ZNF804B: variants seen among roughly 807,000 people sequenced by gnomAD.
ZNF804B encodes the protein zinc finger 804B.
In ZNF804B, 80 loss-of-function variants were observed where a neutral mutation model predicts 101.4. The ratio of observed to expected loss-of-function variants is 0.79; its 90% confidence interval spans 0.66 to 0.95. The LOEUF (loss-of-function observed/expected upper bound fraction) is 0.95, where lower values mean the gene tolerates loss of function less well. ZNF804B is among the 40% of genes least tolerant of loss of function. The pLI is 0.00. For missense variants in ZNF804B, 1,673 were observed against 1,561.9 expected (o/e 1.07, Z -1.20); for synonymous variants, 622 against 558.8 (o/e 1.11, Z -1.59).
intron 1 of ZNF804B, among the ~76,000 whole-genome samples, chr7:89,088,046 T>C (rs1205056643): frequency 6.6e-6 from 1 of 151,742 alleles, no homozygotes; most frequent in Non-Finnish European, 1.5e-5. Flanking sequence ...GAGAGTATAT[T>C]TGATTTTACA....
chr7:89,291,380 T>G lies in ZNF804B; in HGVS notation c.250-35964T>G, dbSNP rs148563413. On this transcript the variant is annotated intron_variant, in intron 2 of 3. Transcript: ENST00000333190. ...TTTTTAGTAAACTCATAGACATTCA[T>G]AACACAGAGAAGGAATTCAGAATTC... is the stretch of plus-strand genomic sequence containing the variant. 2.8e-3 allele frequency among the ~76,000 whole-genome samples: 433 copies of G among 152,232 alleles called. 3 individuals are homozygous for G. The highest frequency in any genetic ancestry group is 0.01 in the African/African-American group (416 of 41,540).
At chr7:88,836,931 T>G (rs928080559) in intron 1 of ZNF804B, among the ~76,000 whole-genome samples, 1 of 151,974 alleles carries the variant, frequency 6.6e-6, no homozygotes, top group African/African-American at 2.4e-5. Flanking sequence ...CCTTGATTAA[T>G]AGTTTTTGGT....
intron 2 of ZNF804B, among the ~76,000 whole-genome samples, chr7:89,261,907 T>C (rs1171147526): frequency 6.6e-6 from 1 of 152,186 alleles, no homozygotes; most frequent in Non-Finnish European, 1.5e-5. Flanking sequence ...ATTATATAGC[T>C]TAGTCATTTG....
chr7:88,945,813 A>G (rs1290857136), intron 1 of ZNF804B, among the ~76,000 whole-genome samples: 1 of 151,978 alleles, frequency 6.6e-6, no homozygotes, highest in Non-Finnish European at 1.5e-5. Flanking sequence ...CATCCCTTGT[A>G]AGTTGTATTC....
At chr7:88,828,662 A>G (rs1161587515) in intron 1 of ZNF804B, among the ~76,000 whole-genome samples, 1 of 152,194 alleles carries the variant, frequency 6.6e-6, no homozygotes, top group Non-Finnish European at 1.5e-5. Context: ...TTCCTGCAAT[A>G]AAATTATAGA....
chr7:89,085,724 G>A (rs1463901550), intron 1 of ZNF804B, among the ~76,000 whole-genome samples: 1 of 151,844 alleles, frequency 6.6e-6, no homozygotes, highest in Non-Finnish European at 1.5e-5. Flanking sequence ...ATTGTCTTCT[G>A]ATTACAGTAG....
chr7:88,917,247 A>C (rs915238738), intron 1 of ZNF804B, among the ~76,000 whole-genome samples: 3 of 152,136 alleles, frequency 2.0e-5, no homozygotes, highest in African/African-American at 7.2e-5. Context: ...CCTGGGGGAC[A>C]GGATAAGACT....
intron 2 of ZNF804B, among the ~76,000 whole-genome samples, chr7:89,221,899 C>T (rs1461983253): frequency 1.3e-5 from 2 of 151,940 alleles, no homozygotes; most frequent in Non-Finnish European, 2.9e-5. Flanking sequence ...GAAAAAGCGA[C>T]ACATTTGGCT....
At chr7:89,145,694 C>G (rs1364053552) in intron 1 of ZNF804B, among the ~76,000 whole-genome samples, 1 of 151,902 alleles carries the variant, frequency 6.6e-6, no homozygotes, top group African/African-American at 2.4e-5. Flanking sequence ...ACTTATTTCC[C>G]ACTCTGGACC....
At chr7:89,122,493 T>A (rs1438879288) in intron 1 of ZNF804B, among the ~76,000 whole-genome samples, 1 of 152,214 alleles carries the variant, frequency 6.6e-6, no homozygotes, top group Non-Finnish European at 1.5e-5. Context: ...TAGTAGGTAT[T>A]ATTATTACAT....
Position 89,335,716 on chromosome 7 carries a change from G to C in ZNF804B, c.2734G>C (p.Glu912Gln), listed in dbSNP as rs1346098944. ...TTCCAGTGGCCCTTCAGAAACCACA[G>C]AATCAAACACTGCAGAAGGAGAGAG... ...NCSSGPSETTESNTAEGERTP... is the reference protein window; with the variant it reads ...NCSSGPSETTQSNTAEGERTP... Residue 912 changes from glutamate to glutamine, a missense_variant, in exon 4 of 4, where the codon GAA (glutamate) becomes CAA (glutamine). Physicochemically the swap from Glu to Gln is conservative, Grantham distance 29. Transcript: ENST00000333190. 1 of 1,613,900 alleles carries C rather than the reference G, an allele frequency of 6.2e-7. No homozygotes were observed. Among genetic ancestry groups the C allele is most frequent in the Non-Finnish European group, 8.5e-7 (1 of 1,179,980 alleles).
chr7:89,004,887 C>T (rs1788349682), intron 1 of ZNF804B, among the ~76,000 whole-genome samples: 1 of 151,854 alleles, frequency 6.6e-6, no homozygotes, highest in African/African-American at 2.4e-5. Flanking sequence ...TTCTAGCCTT[C>T]TTCTCTGTGT....
intron 1 of ZNF804B, among the ~76,000 whole-genome samples, chr7:88,838,659 G>A (rs1791251372): frequency 6.6e-6 from 1 of 151,832 alleles, no homozygotes; most frequent in Non-Finnish European, 1.5e-5. Flanking sequence ...AGTGGTAAGA[G>A]CAGGGGCTCA....
intron 1 of ZNF804B, among the ~76,000 whole-genome samples, chr7:88,996,658 G>A (rs541046651): frequency 1.3e-5 from 2 of 152,184 alleles, no homozygotes; most frequent in African/African-American, 4.8e-5. Flanking sequence ...CTGTGCTAAA[G>A]AGTGATTATC....
At chr7:89,309,751 C>A (rs1473351782) in intron 2 of ZNF804B, among the ~76,000 whole-genome samples, 1 of 107,128 alleles carries the variant, frequency 9.3e-6, no homozygotes, top group Non-Finnish European at 1.7e-5. Context: ...CAGAGTGAGA[C>A]CCTGTCTCAA....
intron 1 of ZNF804B, among the ~76,000 whole-genome samples, chr7:89,090,895 C>CAGACTATA (rs1789875215): frequency 6.6e-6 from 1 of 151,732 alleles, no homozygotes; most frequent in South Asian, 2.1e-4. Flanking sequence ...AAGACTGATA[C>CAGACTATA]AGACTATACC....
intron 1 of ZNF804B, among the ~76,000 whole-genome samples, chr7:88,760,554 T>C (rs892268122): frequency 6.6e-6 from 1 of 152,224 alleles, no homozygotes; most frequent in Non-Finnish European, 1.5e-5. Context: ...AGGAAAGTTA[T>C]AGGTAGTGAA....
intron 1 of ZNF804B, among the ~76,000 whole-genome samples, chr7:88,976,939 T>C (rs903567856): frequency 2.6e-5 from 4 of 151,708 alleles, no homozygotes; most frequent in Non-Finnish European, 4.4e-5. Flanking sequence ...GTTTTTATCA[T>C]GAAGAGATGT....
At chr7:89,077,637 A>C (rs1359215499) in intron 1 of ZNF804B, among the ~76,000 whole-genome samples, 1 of 152,158 alleles carries the variant, frequency 6.6e-6, no homozygotes, top group Admixed American at 6.6e-5. Flanking sequence ...TGAATTTGAA[A>C]ATATGATTTC....
Sources: gnomAD v4.1 joint callset for allele counts (sites outside exome capture counted in the v4.1 genomes callset) on GRCh38, gnomAD v4.1.1 for gene constraint, MANE v1.5 for transcripts, NCBI Gene and HGNC (gene_info 2026-07-23, HGNC 2026-07-21) for gene names.